Variants in EXT1 observed in about 807,000 individuals in gnomAD.
EXT1 encodes exostosin-1.
In EXT1, 20 loss-of-function variants were observed where a neutral mutation model predicts 82.5. The ratio of observed to expected loss-of-function variants is 0.24; its 90% confidence interval spans 0.17 to 0.35. The LOEUF (loss-of-function observed/expected upper bound fraction) is 0.35, where lower values mean the gene tolerates loss of function less well. EXT1 is among the 10% of genes least tolerant of loss of function. The pLI is 1.00. For missense variants in EXT1, 757 were observed against 936.5 expected (o/e 0.81, Z 2.50); for synonymous variants, 348 against 350.8 (o/e 0.99, Z 0.09).
At chr8:117,934,185 C>T (rs551139966) in intron 1 of EXT1, among the ~76,000 whole-genome samples, 14 of 152,124 alleles carry the variant, frequency 9.2e-5, no homozygotes, top group Admixed American at 9.2e-4. Context: ...GTAAGAGCAG[C>T]ACCAGGCTTG....
intron 1 of EXT1, among the ~76,000 whole-genome samples, chr8:118,107,150 G>C (rs917413608): frequency 6.6e-6 from 1 of 151,766 alleles, no homozygotes; most frequent in African/African-American, 2.4e-5. Context: ...TGAAACATTT[G>C]TATATACTCT....
At chr8:118,102,953 G>A (rs552873980) in intron 1 of EXT1, among the ~76,000 whole-genome samples, 2 of 152,088 alleles carry the variant, frequency 1.3e-5, no homozygotes, top group African/African-American at 2.4e-5. Flanking sequence ...TCGGGAGTTC[G>A]AGACCAGCCT....
intron 1 of EXT1, among the ~76,000 whole-genome samples, chr8:117,859,545 C>A (rs1293421313): frequency 6.6e-6 from 1 of 152,152 alleles, no homozygotes; most frequent in Non-Finnish European, 1.5e-5. Context: ...ACACACCCAA[C>A]TGAATGTACA....
intron 1 of EXT1, among the ~76,000 whole-genome samples, chr8:117,883,718 G>A (rs1250402208): frequency 1.3e-5 from 2 of 152,358 alleles, no homozygotes; most frequent in East Asian, 1.9e-4. Context: ...CACCTGGAGA[G>A]CCCTTTGGAG....
chr8:117,882,566 A>C (rs192283879), intron 1 of EXT1, among the ~76,000 whole-genome samples: 1 of 152,330 alleles, frequency 6.6e-6, no homozygotes, highest in East Asian at 1.9e-4. Flanking sequence ...GAACAAGGAC[A>C]CAAATCATTA....
intron 1 of EXT1, among the ~76,000 whole-genome samples, chr8:117,966,604 C>T (rs1412777871): frequency 6.6e-6 from 1 of 152,092 alleles, no homozygotes; most frequent in Non-Finnish European, 1.5e-5. Flanking sequence ...TCTGGCGTAT[C>T]CCCTCTTTCC....
At chr8:117,835,292 T>C in intron 3 of EXT1, 152 bp downstream of exon 3, 1 of 681,494 alleles carries the variant, frequency 1.5e-6, no homozygotes, top group Non-Finnish European at 2.7e-6. Flanking sequence ...CAATGTCATA[T>C]TAAATGACTT....
At chr8:117,910,991 C>T (rs967650111) in intron 1 of EXT1, among the ~76,000 whole-genome samples, 7 of 152,240 alleles carry the variant, frequency 4.6e-5, no homozygotes, top group South Asian at 4.2e-4. Flanking sequence ...AGGTGAAGGG[C>T]GTGAACTCTA....
chr8:117,813,037 A>G, intron 7 of EXT1, 76 bp from the exon 8 acceptor site: 2 of 1,185,156 alleles, frequency 1.7e-6, no homozygotes, highest in Non-Finnish European at 2.5e-6. Context: ...TTTCAGGACA[A>G]TTCTCCCATC....
intron 1 of EXT1, among the ~76,000 whole-genome samples, chr8:117,848,007 G>A (rs1339870935): frequency 1.3e-5 from 2 of 152,184 alleles, no homozygotes; most frequent in Non-Finnish European, 2.9e-5. Context: ...AGTCAGGGCT[G>A]CCACCTCACT....
In EXT1 at chr8:118,008,350, C is replaced by T. The variant is rs532553682; in HGVS notation, c.962+101735G>A. 5.3e-5 allele frequency among the ~76,000 whole-genome samples: 8 copies of T among 152,258 alleles called. No homozygotes were observed. The South Asian group carries it at 1.7e-3, about 32-fold the overall frequency. The stretch of plus-strand genomic sequence containing the variant: ...TCTTAGCTCCCTGCAACCTCCACCT[C>T]CCTGGTTCAAGCGATTCTCCTGCCT... On this transcript the variant is annotated intron_variant, in intron 1 of 10. Transcript: ENST00000378204.
intron 1 of EXT1, among the ~76,000 whole-genome samples, chr8:118,009,846 A>T (rs1185422101): frequency 6.6e-6 from 1 of 152,202 alleles, no homozygotes; most frequent in Admixed American, 6.5e-5. Context: ...ATTGTCTTCC[A>T]CGAAACCGGT....
At chr8:118,044,322 G>A (rs1008782488) in intron 1 of EXT1, among the ~76,000 whole-genome samples, 3 of 152,098 alleles carry the variant, frequency 2.0e-5, no homozygotes, top group South Asian at 4.1e-4. Flanking sequence ...CAGAACTGCT[G>A]CCCCCATGGC....
At chr8:117,980,708 T>TG (rs1815177710) in intron 1 of EXT1, among the ~76,000 whole-genome samples, 4 of 15,336 alleles carry the variant, frequency 2.6e-4, no homozygotes, top group South Asian at 2.1e-3. Flanking sequence ...GTTTTTTTTT[T>TG]TTTTTTTTTT....
chr8:117,914,548 C>G (rs2129997570), intron 1 of EXT1, among the ~76,000 whole-genome samples: 1 of 152,262 alleles, frequency 6.6e-6, no homozygotes, highest in Middle Eastern at 3.4e-3. Context: ...AAAGATATCA[C>G]TGAATTCTCT....
At chr8:117,884,829 A>T (rs2129928315) in intron 1 of EXT1, among the ~76,000 whole-genome samples, 1 of 152,340 alleles carries the variant, frequency 6.6e-6, no homozygotes, top group African/African-American at 2.4e-5. Context: ...GGAACTTGCC[A>T]TCACATCCCG....
chr8:117,882,510 T>C (rs1035518029), intron 1 of EXT1, among the ~76,000 whole-genome samples: 3 of 152,242 alleles, frequency 2.0e-5, no homozygotes, highest in African/African-American at 7.2e-5. Flanking sequence ...TTCCTCCCCA[T>C]CCCCATACTA....
At chr8:117,886,453 T>G (rs1467293777) in intron 1 of EXT1, among the ~76,000 whole-genome samples, 1 of 152,160 alleles carries the variant, frequency 6.6e-6, no homozygotes, top group African/African-American at 2.4e-5. Context: ...ACCTGCTATG[T>G]CCCCCAAATA....
At position 118,073,682 on chromosome 8, in the gene EXT1, GAGAAGAGAAGAGAAGAGAAGAGA is replaced by G. The variant is rs1252261428; in HGVS notation, c.962+36380_962+36402del. ...GAGAAGAGAAGAGAAGAGAAGAGAA[GAGAAGAGAAGAGAAGAGAAGAGA>G]AGCCTCTTAAGAAGGATCCAGCACA... On this transcript the variant is annotated intron_variant, in intron 1 of 10. Transcript: ENST00000378204. 1.2e-3 allele frequency among the ~76,000 whole-genome samples: 183 copies of G among 148,532 alleles called. 1 individual carries two copies. Among genetic ancestry groups the G allele is most frequent in the Middle Eastern group, 3.5e-3 (1 of 286 alleles).
Sources: allele counts gnomAD v4.1 joint callset (sites outside exome capture counted in the v4.1 genomes callset), GRCh38; gene constraint gnomAD v4.1.1; transcripts MANE v1.5; gene names NCBI Gene and HGNC (gene_info 2026-07-23, HGNC 2026-07-21).